Variants in MORC4 observed in about 807,000 individuals in gnomAD.
The protein encoded by MORC4 is MORC family CW-type zinc finger 4.
A neutral mutation model predicts 65.5 loss-of-function variants in MORC4; 22 were observed. The observed-to-expected ratio is 0.34, with a 90% CI of 0.24 to 0.48. The LOEUF (loss-of-function observed/expected upper bound fraction) is 0.48, where lower values mean the gene tolerates loss of function less well. Ranked by LOEUF, MORC4 falls within the 20% of genes least tolerant of loss-of-function variation. The pLI, the probability that MORC4 is intolerant of heterozygous loss-of-function variation, is 0.99. For missense variants in MORC4, 624 were observed against 703.0 expected, an observed-to-expected ratio of 0.89 and a Z score of 1.27; for synonymous variants, 267 against 255.8, an observed-to-expected ratio of 1.04 and a Z score of -0.42.
In MORC4 at chrX:106,942,090, T is replaced by C. The variant is rs1190132829; in HGVS notation, c.2508A>G (p.Gln836=). Residue 836 remains glutamine, a synonymous_variant, in exon 16 of 17, where the codon CAA becomes CAG. Transcript: ENST00000355610. The part of the protein sequence containing the change: ...YWSKKHMGYR[Q]AEFQILKAEL... The stretch of plus-strand genomic sequence containing the variant: ...CAGCTTTCAGAATCTGGAATTCAGC[T>C]TGGCGATAACCCATGTGTTTCTTGC... The C allele has an allele frequency of 8.3e-7, 1 of 1,209,586 alleles. No homozygotes were observed. Among genetic ancestry groups the C allele is most frequent in the South Asian group, 1.8e-5 (1 of 56,747 alleles).
chrX:106,971,095 A>G (rs1254501780), intron 9 of MORC4, among the ~76,000 whole-genome samples: 1 of 111,947 alleles, frequency 8.9e-6, no homozygotes, highest in Non-Finnish European at 1.9e-5. Flanking sequence ...CCAAAACAGC[A>G]TGGTACTGGT....
At chrX:106,946,025 T>C (rs1327781510) in intron 14 of MORC4, among the ~76,000 whole-genome samples, 2 of 112,122 alleles carry the variant, frequency 1.8e-5, no homozygotes, top group Middle Eastern at 4.6e-3. Context: ...GGAACTATGA[T>C]AGGCAAGAAT....
chrX:106,948,535 C>A (rs750837698), intron 14 of MORC4, among the ~76,000 whole-genome samples: 1 of 111,668 alleles, frequency 9.0e-6, no homozygotes, highest in Admixed American at 9.5e-5. Flanking sequence ...GCACTCTTTG[C>A]TTTTTCATGT....
chrX:106,943,676 C>T (rs750215096), intron 14 of MORC4, among the ~76,000 whole-genome samples: 12 of 112,680 alleles, frequency 1.1e-4, no homozygotes, highest in African/African-American at 3.5e-4. Context: ...AAGACTTATG[C>T]ACATTTTTTT....
At chrX:106,962,199 A>G in intron 9 of MORC4, 89 bp from the exon 10 acceptor site, 1 of 646,825 alleles carries the variant, frequency 1.5e-6, no homozygotes, top group South Asian at 2.6e-5. Context: ...ACAGACACCA[A>G]TAATTTAGAG....
Position 106,999,957 on chromosome X carries a change from G to C in MORC4, c.13C>G (p.Arg5Gly). 1.1e-6 allele frequency: 1 copy of C among 873,217 alleles called. No homozygotes were observed. The highest frequency in any genetic ancestry group is 1.4e-6 in the Non-Finnish European group (1 of 708,455). The allele number at this position is 873,217 out of a possible 1,213,427, so 72.0% of individuals were successfully genotyped here. A position where few individuals can be genotyped will look rare whatever the true frequency, so the allele number is the denominator to read the frequency against. The change falls in exon 1 of 17, where the codon CGA becomes GGA. Residue 5 changes from arginine to glycine, a missense_variant. By Grantham distance (125) the Arg-to-Gly change is moderately radical. Coordinates refer to ENST00000355610, the MANE Select transcript of MORC4 (RefSeq NM_024657.5). ...GCGCCAGGGCCGGCGGGGGCCCCTC[G>C]GTACAGGAGCATTTTTTTGGCCGCC... MLLY[R>G]GAPAGPGAPG...
chrX:106,942,605 C>T lies in MORC4; in HGVS notation c.2286G>A (p.Lys762=). The stretch of plus-strand genomic sequence containing the variant: ...CTTCCAGCTCTCTCTGGTTCTTCAA[C>T]TTTGGTGTATTATGACCTTCGCTCT... ...YEESEGHNTP[K]LKNQRELEEL... Residue 762 remains lysine, a synonymous_variant, in exon 15 of 17, where the codon AAG becomes AAA. Coordinates refer to ENST00000355610, the MANE Select transcript of MORC4 (RefSeq NM_024657.5). The T allele has an allele frequency of 1.7e-6, 2 of 1,211,496 alleles. No individual in the cohort carries two copies. Among genetic ancestry groups the T allele is most frequent in the African/African-American group, 3.5e-5 (2 of 57,736 alleles).
At chrX:106,984,465 C>CTTTTTTTTTTT (rs762110163) in intron 5 of MORC4, among the ~76,000 whole-genome samples, 3 of 71,387 alleles carry the variant, frequency 4.2e-5, no homozygotes, top group African/African-American at 6.3e-5. Flanking sequence ...TTTCTTTTTT[C>CTTTTTTTTTTT]TTTTTTTTTT....
chrX:106,999,170 G>A (rs1278010114), intron 2 of MORC4, among the ~76,000 whole-genome samples: 2 of 111,400 alleles, frequency 1.8e-5, no homozygotes, highest in Non-Finnish European at 3.8e-5. Context: ...CGCAGTAGCA[G>A]GGAGCCAAAT....
At position 106,942,056 on chromosome X, in the gene MORC4, T is replaced by C. The variant is rs1270520427; in HGVS notation, c.2542A>G (p.Arg848Gly). 3 of 1,209,859 alleles carry C rather than the reference T, an allele frequency of 2.5e-6. No homozygotes were observed. The highest frequency in any genetic ancestry group is 2.2e-5 in the Admixed American group (1 of 45,758). ...AACTCTTGCTTTTCCTCTTTGGTTC[T>C]TTCCAGCTCAGCTTTCAGAATCTGG... Reference protein sequence around the residue: ...EFQILKAELERTKEEKQELKE... With the variant: ...EFQILKAELEGTKEEKQELKE... Residue 848 changes from arginine to glycine, a missense_variant, in exon 16 of 17, where the codon AGA becomes GGA. Arg to Gly is a moderately radical substitution (Grantham distance 125). Coordinates refer to ENST00000355610, the MANE Select transcript of MORC4 (RefSeq NM_024657.5).
intron 2 of MORC4, among the ~76,000 whole-genome samples, chrX:106,997,968 T>TTGTTAGACAAAGCATAAACCTTCTGTACA (rs1935108817): frequency 8.9e-6 from 1 of 112,381 alleles, no homozygotes; most frequent in Non-Finnish European, 1.9e-5. Context: ...TTCCATTTTG[T>TTGTTAGACAAAGCATAAACCTTCTGTACA]TGTTAGACAA....
chrX:106,952,835 T>G (rs1404428788), intron 14 of MORC4, among the ~76,000 whole-genome samples: 1 of 111,984 alleles, frequency 8.9e-6, no homozygotes, highest in Admixed American at 9.5e-5. Flanking sequence ...GATTAAACCT[T>G]AATGTTTTAT....
chrX:106,957,344 G>A (rs1432496276), intron 11 of MORC4, among the ~76,000 whole-genome samples: 4 of 111,682 alleles, frequency 3.6e-5, no homozygotes, highest in South Asian at 3.8e-4. Flanking sequence ...ATTCAAAAAC[G>A]AGACTTCTAA....
At chrX:106,954,721 C>T (rs1363881998) in intron 14 of MORC4, among the ~76,000 whole-genome samples, 192 bp downstream of exon 14, 1 of 112,212 alleles carries the variant, frequency 8.9e-6, no homozygotes, top group Non-Finnish European at 1.9e-5. Context: ...AGACCTGATA[C>T]AGCAGTTATA....
In MORC4 at chrX:106,943,134, G is replaced by C. The variant is rs373175644; in HGVS notation, c.1757C>G (p.Pro586Arg). The C allele has an allele frequency of 6.6e-6, 8 of 1,208,982 alleles. No homozygotes were observed. The African/African-American group carries it at 1.4e-4, about 21-fold the overall frequency. The stretch of plus-strand genomic sequence containing the variant: ...AGCAGGCATGGAATAATCTAGAGAA[G>C]GTGTTGTCATCTCATTCTGGAGCCT... ...RRRLQNEMTT[P>R]SLDYSMPAPY... Residue 586 changes from proline to arginine, a missense_variant, in exon 15 of 17, where the codon CCT (proline) becomes CGT (arginine). Transcript: ENST00000355610.
Position 106,985,226 on chromosome X carries a change from C to G in MORC4, c.544G>C (p.Glu182Gln), listed in dbSNP as rs773446384. ...GCTTCTAGGCTGGGCAATGAATCCT[C>G]GGTAATAATCATTTTTTGTAAAATC... ...NQQNKKMIIT[E>Q]DSLPSLEAIL... is the part of the protein sequence containing the mutation. Residue 182 changes from glutamate (E) to glutamine (Q), a missense_variant, in exon 5 of 17, where the codon GAG (glutamate) becomes CAG (glutamine). Coordinates refer to ENST00000355610, the MANE Select transcript of MORC4 (RefSeq NM_024657.5). The G allele has an allele frequency of 3.5e-6, 4 of 1,157,993 alleles. No individual in the cohort carries two copies. The highest frequency in any genetic ancestry group is 4.6e-6 in the Non-Finnish European group (4 of 863,019).
chrX:106,988,468 G>A (rs752626058), intron 3 of MORC4, among the ~76,000 whole-genome samples: 1 of 111,478 alleles, frequency 9.0e-6, no homozygotes, highest in Admixed American at 9.5e-5. Flanking sequence ...GAAGAGAGGA[G>A]CTATAAACTC....
In MORC4 at chrX:106,941,379, A is replaced by T. The variant is rs1602468356; in HGVS notation, c.*100T>A. The T allele has an allele frequency of 8.2e-6, 2 of 243,976 alleles. No individual in the cohort carries two copies. The highest frequency in any genetic ancestry group is 1.2e-5 in the Non-Finnish European group (2 of 163,608). The allele number at this position is 243,976 out of a possible 1,213,427, so 20.1% of individuals were successfully genotyped here. ...AGGCATAAAGGTGAGGGTGAGAGAGAGAGAGAGAGAGAGAGAGAGAGAGAG... is the reference window on the plus strand; with the variant it reads ...AGGCATAAAGGTGAGGGTGAGAGAGTGAGAGAGAGAGAGAGAGAGAGAGAG... On this transcript the variant is annotated 3_prime_UTR_variant, in exon 17 of 17. Transcript: ENST00000355610.
At chrX:106,981,795 A>G (rs1934749331) in intron 5 of MORC4, among the ~76,000 whole-genome samples, 1 of 112,016 alleles carries the variant, frequency 8.9e-6, no homozygotes, top group Non-Finnish European at 1.9e-5. Context: ...ATCTTGAAAT[A>G]GACACAAGCT....
Sources: gnomAD v4.1 joint callset for allele counts (sites outside exome capture counted in the v4.1 genomes callset) on GRCh38, gnomAD v4.1.1 for gene constraint, MANE v1.5 for transcripts, NCBI Gene and HGNC (gene_info 2026-07-23, HGNC 2026-07-21) for gene names.